Variants in ABCE1 observed in about 807,000 individuals in gnomAD.
The protein encoded by ABCE1 is ATP binding cassette subfamily E member 1, also known as ATP-binding cassette sub-family E member 1.
Under a neutral mutation model 83.4 loss-of-function variants are expected in ABCE1, and 22 were observed. That is an observed-to-expected ratio of 0.26 (90% confidence interval 0.19 to 0.38). The LOEUF (loss-of-function observed/expected upper bound fraction) is 0.38, where lower values mean the gene tolerates loss of function less well. Ranked by LOEUF, ABCE1 falls within the 10% of genes least tolerant of loss-of-function variation. The pLI, the probability that ABCE1 is intolerant of heterozygous loss-of-function variation, is 1.00. For missense variants in ABCE1, 330 were observed against 721.9 expected (o/e 0.46, Z 6.22); for synonymous variants, 204 against 233.7 (o/e 0.87, Z 1.16).
In ABCE1 at chr4:145,119,960, T is replaced by G. The variant is rs1361314879; in HGVS notation, c.951T>G (p.Val317=). 6.2e-7 allele frequency: 1 copy of G among 1,611,282 alleles called. No homozygotes were observed. The highest frequency in any genetic ancestry group is 8.5e-7 in the Non-Finnish European group (1 of 1,178,856). ...TAAACATTTTTTTGGATGGCTATGT[T>G]CCAACAGAAAACTTGAGATTCAGAG... ...EGINIFLDGY[V]PTENLRFRDA... The change falls in exon 11 of 18, where the codon GTT becomes GTG. Residue 317 remains valine (V), a synonymous_variant. Coordinates refer to ENST00000296577, the MANE Select transcript of ABCE1 (RefSeq NM_002940.3).
chr4:145,100,252 G>A (rs775890066), intron 1 of ABCE1, among the ~76,000 whole-genome samples: 2 of 152,162 alleles, frequency 1.3e-5, no homozygotes, highest in East Asian at 1.9e-4. Context: ...TATTCGGGAG[G>A]CTAAAGCAAG....
At chr4:145,109,333 A>G in intron 5 of ABCE1, 84 bp downstream of exon 5, 1 of 688,416 alleles carries the variant, frequency 1.5e-6, no homozygotes, top group Non-Finnish European at 2.3e-6. Context: ...TTTTTAAAAT[A>G]TTCTTATTTT....
chr4:145,119,999 T>C lies in ABCE1; in HGVS notation c.990T>C (p.Val330=). The C allele has an allele frequency of 6.2e-7, 1 of 1,612,734 alleles. No individual in the cohort carries two copies. The highest frequency in any genetic ancestry group is 8.5e-7 in the Non-Finnish European group (1 of 1,179,210). The part of the protein sequence containing the change: ...ENLRFRDASL[V]FKVAETANEE... ...TGAGATTCAGAGATGCATCACTTGT[T>C]TTTAAAGTGGCTGAGACAGCAAATG... is the stretch of plus-strand genomic sequence containing the variant. The change falls in exon 11 of 18, where the codon GTT becomes GTC. Residue 330 remains valine (V), a synonymous_variant. Coordinates refer to ENST00000296577, the MANE Select transcript of ABCE1 (RefSeq NM_002940.3).
chr4:145,129,264 T>G lies in ABCE1; in HGVS notation c.*1691T>G, dbSNP rs1451627429. 6.6e-6 allele frequency: 1 copy of G among 152,192 alleles called. No individual in the cohort carries two copies. 9.4% of individuals were successfully genotyped at this position (152,192 alleles called of 1,614,324 possible). ...AGAATATGTATTAAACGTATTTTCA[T>G]GTAAATGAAATCTTTAAAATATGTA... is the stretch of plus-strand genomic sequence containing the variant. On this transcript the variant is annotated 3_prime_UTR_variant, in exon 18 of 18. Transcript: ENST00000296577.
chr4:145,103,060 A>C (rs1346701413), intron 1 of ABCE1, among the ~76,000 whole-genome samples: 1 of 152,148 alleles, frequency 6.6e-6, no homozygotes, highest in African/African-American at 2.4e-5. Flanking sequence ...AATGAAAGGG[A>C]GTGATCTGGT....
In ABCE1 at chr4:145,109,264, C is replaced by T; in HGVS notation, c.405+15C>T. On this transcript the variant is annotated intron_variant, in intron 5 of 17. Transcript: ENST00000296577. Reference sequence around the variant, plus strand: ...GAAAGTACGATGTATGTATTATCACCTTGTAAAAATTAATATCATGAGTCA... The same window carrying T: ...GAAAGTACGATGTATGTATTATCACTTTGTAAAAATTAATATCATGAGTCA... 1 of 1,470,712 alleles carries T rather than the reference C, an allele frequency of 6.8e-7. No homozygotes were observed. The highest frequency in any genetic ancestry group is 9.3e-7 in the Non-Finnish European group (1 of 1,076,602). 91.1% of individuals were successfully genotyped at this position (1,470,712 alleles called of 1,614,324 possible).
At chr4:145,109,479 G>T (rs1749401440) in intron 5 of ABCE1, among the ~76,000 whole-genome samples, 1 of 152,108 alleles carries the variant, frequency 6.6e-6, no homozygotes, top group African/African-American at 2.4e-5. Context: ...AATTCTGCTT[G>T]ATTCTGCTGT....
At position 145,112,239 on chromosome 4, in the gene ABCE1, T is replaced by C; in HGVS notation, c.711T>C (p.Ile237=). 1 of 1,530,958 alleles carries C rather than the reference T, an allele frequency of 6.5e-7. No individual in the cohort carries two copies. The highest frequency in any genetic ancestry group is 8.8e-7 in the Non-Finnish European group (1 of 1,134,798). The allele number at this position is 1,530,958 out of a possible 1,614,324, so 94.8% of individuals were successfully genotyped here. Residue 237 remains isoleucine, a splice_region_variant and synonymous_variant, in exon 9 of 18, where the codon ATT becomes ATC. Coordinates refer to ENST00000296577, the MANE Select transcript of ABCE1 (RefSeq NM_002940.3). The stretch of plus-strand genomic sequence containing the variant: ...TGCTTTTTTTTTTTTTTTTTCATAG[T>C]TTCATGTTTGATGAGCCTTCTAGTT... The part of the protein sequence containing the change: ...CAVVCIQKAD[I]FMFDEPSSYL...
At position 145,104,330 on chromosome 4, in the gene ABCE1, A is replaced by G. The variant is rs1749239658; in HGVS notation, c.-27-56A>G. 4 of 677,856 alleles carry G rather than the reference A, an allele frequency of 5.9e-6. No individual in the cohort carries two copies. In the South Asian group the frequency reaches 1.1e-4, roughly 19 times the overall value. 42.0% of individuals were successfully genotyped at this position (677,856 alleles called of 1,614,324 possible). A position where few individuals can be genotyped will look rare whatever the true frequency, so the allele number is the denominator to read the frequency against. On this transcript the variant is annotated intron_variant, in intron 1 of 17. Transcript: ENST00000296577. Reference sequence around the variant, plus strand: ...ATTTATGTTTTCCTGTCTTTCATGTATGCAAATTAGTTCCCTTAACTAATG... The same window carrying G: ...ATTTATGTTTTCCTGTCTTTCATGTGTGCAAATTAGTTCCCTTAACTAATG...
chr4:145,107,629 C>T (rs1222070906), intron 3 of ABCE1, among the ~76,000 whole-genome samples: 1 of 152,190 alleles, frequency 6.6e-6, no homozygotes, highest in African/African-American at 2.4e-5. Context: ...TGCAGATCTA[C>T]ATACACGTGT....
intron 9 of ABCE1, among the ~76,000 whole-genome samples, chr4:145,113,484 G>A (rs1223336338): frequency 2.0e-5 from 3 of 152,116 alleles, no homozygotes; most frequent in Admixed American, 6.6e-5. Context: ...CAGAAGCAAC[G>A]AACCAATATG....
chr4:145,108,117 A>T lies in ABCE1; in HGVS notation c.287+5A>T. On this transcript the variant is annotated splice_donor_5th_base_variant and intron_variant, in intron 4 of 17. Transcript: ENST00000296577. Reference sequence around the variant, plus strand: ...CAATGCCTTCAAACTTCACAGGTATATTTTCACATCAGGATTCCTCTTCTG... The same window carrying T: ...CAATGCCTTCAAACTTCACAGGTATTTTTTCACATCAGGATTCCTCTTCTG... 1 of 1,609,130 alleles carries T rather than the reference A, an allele frequency of 6.2e-7. No individual in the cohort carries two copies. The highest frequency in any genetic ancestry group is 1.3e-5 in the African/African-American group (1 of 74,888).
chr4:145,116,197 G>A (rs1405020216), intron 9 of ABCE1, among the ~76,000 whole-genome samples: 1 of 151,894 alleles, frequency 6.6e-6, no homozygotes, highest in Non-Finnish European at 1.5e-5. Flanking sequence ...AGTGTTTCCT[G>A]TGTATGAGCT....
intron 9 of ABCE1, among the ~76,000 whole-genome samples, chr4:145,113,946 A>G (rs1307136850): frequency 6.6e-6 from 1 of 152,176 alleles, no homozygotes; most frequent in Non-Finnish European, 1.5e-5. Flanking sequence ...TAATGAGGAA[A>G]CTATTTACAT....
At chr4:145,106,810 T>C (rs1749315891) in intron 3 of ABCE1, among the ~76,000 whole-genome samples, 1 of 152,140 alleles carries the variant, frequency 6.6e-6, no homozygotes, top group South Asian at 2.1e-4. Context: ...TCCACTGTAA[T>C]ATAGAAAAAT....
chr4:145,121,261 A>G (rs1226016750), intron 12 of ABCE1, 28 bp downstream of exon 12: 1 of 1,613,136 alleles, frequency 6.2e-7, no homozygotes, highest in Admixed American at 1.7e-5. Flanking sequence ...GAGTCTTTTT[A>G]CTCTGTTTTA....
chr4:145,122,782 G>A (rs1749778701), intron 13 of ABCE1: 1 of 338,820 alleles, frequency 3.0e-6, no homozygotes, highest in African/African-American at 2.1e-5. Flanking sequence ...TTGCACACCT[G>A]GGCAATGGAG....
chr4:145,120,549 A>C (rs903226439), intron 11 of ABCE1, among the ~76,000 whole-genome samples: 2 of 152,086 alleles, frequency 1.3e-5, no homozygotes, highest in Admixed American at 1.3e-4. Flanking sequence ...CTTATTTTAA[A>C]TTCAGAGCAA....
chr4:145,112,140 C>T, intron 8 of ABCE1, 99 bp from the exon 9 acceptor site: 1 of 786,710 alleles, frequency 1.3e-6, no homozygotes, highest in Non-Finnish European at 2.0e-6. Flanking sequence ...TTGTGGTTAA[C>T]TCAAAAGCTC....
Sources: allele counts gnomAD v4.1 joint callset (sites outside exome capture counted in the v4.1 genomes callset), GRCh38; gene constraint gnomAD v4.1.1; transcripts MANE v1.5; gene names NCBI Gene and HGNC (gene_info 2026-07-23, HGNC 2026-07-21).